RANBP2: variants seen among roughly 807,000 people sequenced by gnomAD.
The protein encoded by RANBP2 is E3 SUMO-protein ligase RanBP2.
Under a neutral mutation model 303.6 loss-of-function variants are expected in RANBP2, and 57 were observed. The observed-to-expected ratio is 0.19, with a 90% CI of 0.15 to 0.23. The LOEUF (loss-of-function observed/expected upper bound fraction) is 0.23. RANBP2 is among the 10% of genes least tolerant of loss of function. RANBP2 has a pLI of 1.00. For synonymous variants in RANBP2, 1,167 were observed against 1,301.5 expected (o/e 0.90, Z 2.23); for missense variants, 3,138 against 3,780.8 (o/e 0.83, Z 4.46).
At chr2:109,353,576 T>C in the RANBP2 span, among the ~76,000 whole-genome samples, 1 of 152,070 alleles carries the variant, frequency 6.6e-6, no homozygotes, top group South Asian at 2.1e-4. Flanking sequence ...TGGGGTGCCC[T>C]GTGTCACCTG....
chr2:109,583,331 C>A, the RANBP2 span, among the ~76,000 whole-genome samples: 1 of 151,990 alleles, frequency 6.6e-6, no homozygotes, highest in African/African-American at 2.4e-5. Context: ...AAAAACAACC[C>A]CATTAAAAAG....
chr2:109,006,179 ATTTTCTTTTTCT>A, the RANBP2 span, among the ~76,000 whole-genome samples: 4 of 151,774 alleles, frequency 2.6e-5, no homozygotes, highest in African/African-American at 9.7e-5. Flanking sequence ...TTTGGGGGTA[ATTTTCTTTTTCT>A]TTTTCTTTTT....
At chr2:109,389,128 G>C in the RANBP2 span, among the ~76,000 whole-genome samples, 51 of 152,332 alleles carry the variant, frequency 3.3e-4, no homozygotes, top group African/African-American at 1.2e-3. Flanking sequence ...TCCCAGAGAA[G>C]CTGCACATAG....
the RANBP2 span, among the ~76,000 whole-genome samples, chr2:109,602,041 T>C: frequency 6.6e-6 from 1 of 152,128 alleles, no homozygotes; most frequent in Non-Finnish European, 1.5e-5. Flanking sequence ...AGGATTCAAG[T>C]TGTCTAACAG....
chr2:109,518,140 C>A, the RANBP2 span, among the ~76,000 whole-genome samples: 1 of 152,264 alleles, frequency 6.6e-6, no homozygotes, highest in South Asian at 2.1e-4. Flanking sequence ...AACAACAACT[C>A]ACAGGGTAAA....
At chr2:109,453,288 C>A in the RANBP2 span, among the ~76,000 whole-genome samples, 1 of 152,244 alleles carries the variant, frequency 6.6e-6, no homozygotes, top group Admixed American at 6.5e-5. Flanking sequence ...TGCCCTGTGG[C>A]CAGGCCCCCA....
chr2:109,215,201 C>A, the RANBP2 span, among the ~76,000 whole-genome samples: 14 of 152,240 alleles, frequency 9.2e-5, 1 homozygote, highest in South Asian at 2.9e-3. Context: ...AAGTCTGTAA[C>A]CTCCCCTCAT....
At chr2:109,016,216 G>A in the RANBP2 span, among the ~76,000 whole-genome samples, 1 of 152,062 alleles carries the variant, frequency 6.6e-6, no homozygotes, top group African/African-American at 2.4e-5. Flanking sequence ...CAAGTAACTG[G>A]GACTACAGGC....
the RANBP2 span, among the ~76,000 whole-genome samples, chr2:109,333,572 T>G: frequency 6.6e-6 from 1 of 152,214 alleles, no homozygotes; most frequent in South Asian, 2.1e-4. Context: ...ACATGGAATC[T>G]CTGGAGCTCT....
At chr2:108,733,012 CGG>C (rs1695296741) in intron 4 of RANBP2, among the ~76,000 whole-genome samples, 1 of 152,086 alleles carries the variant, frequency 6.6e-6, no homozygotes, top group African/African-American at 2.4e-5. Flanking sequence ...TTAGTAGAAA[CGG>C]GGTTTCACCA....
the RANBP2 span, among the ~76,000 whole-genome samples, chr2:108,817,079 G>A: frequency 3.9e-5 from 6 of 152,224 alleles, no homozygotes; most frequent in East Asian, 9.7e-4. Flanking sequence ...GGAAACAAAC[G>A]TTCAAACCAT....
chr2:109,565,652 C>T, the RANBP2 span: 6 of 954,188 alleles, frequency 6.3e-6, no homozygotes, highest in Admixed American at 1.8e-5. Flanking sequence ...CAGCCAATTC[C>T]TCTGACAACC....
the RANBP2 span, among the ~76,000 whole-genome samples, chr2:109,110,603 A>C: frequency 2.0e-5 from 3 of 152,262 alleles, no homozygotes; most frequent in South Asian, 6.2e-4. Flanking sequence ...TAAGTGTAGA[A>C]TCTTAGAGTT....
chr2:109,248,760 C>G, the RANBP2 span, among the ~76,000 whole-genome samples: 1 of 151,358 alleles, frequency 6.6e-6, no homozygotes, highest in African/African-American at 2.4e-5. Context: ...TTCCTTCTCT[C>G]TCTCTCTCTT....
chr2:108,788,763 A>G, downstream of RANBP2: 4 of 1,500,058 alleles, frequency 2.7e-6, no homozygotes, highest in Non-Finnish European at 3.6e-6. Flanking sequence ...AAGATTTTAA[A>G]AATAGTATTA....
At chr2:109,512,003 G>A in the RANBP2 span, among the ~76,000 whole-genome samples, 1 of 152,200 alleles carries the variant, frequency 6.6e-6, no homozygotes, top group Admixed American at 6.5e-5. Context: ...GGACTCCCAA[G>A]TGGGAGTTGA....
chr2:109,780,184 CAG>C, the RANBP2 span, among the ~76,000 whole-genome samples: 2 of 107,378 alleles, frequency 1.9e-5, no homozygotes, highest in African/African-American at 3.8e-5. Flanking sequence ...ATAGTTGAGA[CAG>C]AAACTGATAA....
chr2:109,164,535 C>T, the RANBP2 span, among the ~76,000 whole-genome samples: 1 of 152,162 alleles, frequency 6.6e-6, no homozygotes, highest in Non-Finnish European at 1.5e-5. Flanking sequence ...GGCTGTTTCC[C>T]AGTTTACAGC....
At chr2:109,697,215 C>T in the RANBP2 span, among the ~76,000 whole-genome samples, 10 of 152,140 alleles carry the variant, frequency 6.6e-5, no homozygotes, top group South Asian at 2.1e-4. Flanking sequence ...TTTGGCTGGG[C>T]GCAGTAGCTC....
Sources: gnomAD v4.1 joint callset for allele counts (sites outside exome capture counted in the v4.1 genomes callset) on GRCh38, gnomAD v4.1.1 for gene constraint, MANE v1.5 for transcripts, NCBI Gene and HGNC (gene_info 2026-07-23, HGNC 2026-07-21) for gene names.